Variants in C12orf42 observed in about 807,000 individuals in gnomAD.
C12orf42 encodes chromosome 12 open reading frame 42, also known as uncharacterized protein C12orf42.
A neutral mutation model predicts 21.6 loss-of-function variants in C12orf42; 25 were observed. That is an observed-to-expected ratio of 1.16 (90% CI 0.84 to 1.62). The LOEUF (loss-of-function observed/expected upper bound fraction) is 1.62. Among genes scored for constraint, C12orf42 ranks in the 40% most tolerant of loss-of-function variants. C12orf42 has a pLI of 0.00. For missense variants in C12orf42, 483 were observed against 459.3 expected, an observed-to-expected ratio of 1.05 and a Z score of -0.47; for synonymous variants, 174 against 175.0, an observed-to-expected ratio of 0.99 and a Z score of 0.05.
At chr12:103,203,153 C>T in the C12orf42 span, among the ~76,000 whole-genome samples, 1 of 152,116 alleles carries the variant, frequency 6.6e-6, no homozygotes, top group African/African-American at 2.4e-5. Context: ...TTCACTTCCC[C>T]ATTTGTCAAG....
the C12orf42 span, among the ~76,000 whole-genome samples, chr12:103,055,902 T>C: frequency 6.6e-6 from 1 of 152,044 alleles, no homozygotes; most frequent in Non-Finnish European, 1.5e-5. Flanking sequence ...TTAGAGAAAA[T>C]ATTTTGTATG....
At chr12:103,298,668 G>C (rs2037460081), downstream of C12orf42, among the ~76,000 whole-genome samples, 2 of 152,118 alleles carry the variant, frequency 1.3e-5, no homozygotes, top group Admixed American at 6.5e-5. Context: ...CTGAGTTCAG[G>C]TCACCTTTAT....
chr12:103,229,381 TTCTC>T, the C12orf42 span, among the ~76,000 whole-genome samples: 1 of 152,226 alleles, frequency 6.6e-6, no homozygotes, highest in East Asian at 1.9e-4. Flanking sequence ...TGCTTTGAGA[TTCTC>T]TCAGCGATTC....
the C12orf42 span, among the ~76,000 whole-genome samples, chr12:103,525,831 C>T: frequency 6.6e-6 from 1 of 152,092 alleles, no homozygotes; most frequent in Non-Finnish European, 1.5e-5. Flanking sequence ...AATTCAAGAC[C>T]AGCCTGGCCA....
chr12:103,477,198 A>G (rs1049953147), intron 2 of C12orf42, among the ~76,000 whole-genome samples: 10 of 152,182 alleles, frequency 6.6e-5, no homozygotes, highest in African/African-American at 2.4e-4. Flanking sequence ...TATGAAGAAA[A>G]ACAATACATG....
chr12:103,284,169 C>T lies in C12orf42; in HGVS notation n.338-6959G>A, dbSNP rs147625924. On this transcript the variant is annotated intron_variant and non_coding_transcript_variant, in intron 4 of 6. Coordinates refer to the C12orf42 transcript ENST00000546526. ...ACATTACATAAGACGGCAAGGGCTT[C>T]TTTTATTTCTGAAATTTTAAACCTG... 4.9e-3 allele frequency among the ~76,000 whole-genome samples: 752 copies of T among 152,230 alleles called. 6 individuals are homozygous for T. The highest frequency in any genetic ancestry group is 6.8e-3 in the Middle Eastern group (2 of 294).
chr12:103,063,149 C>T, the C12orf42 span, among the ~76,000 whole-genome samples: 1 of 152,042 alleles, frequency 6.6e-6, no homozygotes, highest in Non-Finnish European at 1.5e-5. Flanking sequence ...TTTGGTTTCT[C>T]CTAAATTCAC....
At chr12:103,354,981 C>T (rs758624812) in intron 4 of C12orf42, among the ~76,000 whole-genome samples, 1 of 152,086 alleles carries the variant, frequency 6.6e-6, no homozygotes, top group Non-Finnish European at 1.5e-5. Context: ...TGTATCATTA[C>T]AAAATGAATA....
At chr12:103,533,443 T>A in the C12orf42 span, among the ~76,000 whole-genome samples, 4 of 152,168 alleles carry the variant, frequency 2.6e-5, no homozygotes, top group Non-Finnish European at 5.9e-5. Context: ...AGACACATTT[T>A]CTCTCTGGTC....
the C12orf42 span, among the ~76,000 whole-genome samples, chr12:103,561,238 A>G: frequency 4.1e-4 from 63 of 152,326 alleles, no homozygotes; most frequent in African/African-American, 1.5e-3. Context: ...CACACGAACC[A>G]GAGCAAGCCC....
chr12:103,440,144 A>C (rs1181211152), intron 2 of C12orf42, among the ~76,000 whole-genome samples: 1 of 144,720 alleles, frequency 6.9e-6, no homozygotes, highest in Admixed American at 7.0e-5. Context: ...CATTCTCAGT[A>C]AACTATCGCA....
At chr12:103,548,314 G>A in the C12orf42 span, among the ~76,000 whole-genome samples, 2 of 152,156 alleles carry the variant, frequency 1.3e-5, no homozygotes, top group African/African-American at 4.8e-5. Flanking sequence ...CGCAGATAAG[G>A]CAGCTACAGG....
At chr12:103,179,573 G>C in the C12orf42 span, among the ~76,000 whole-genome samples, 1 of 152,316 alleles carries the variant, frequency 6.6e-6, no homozygotes, top group South Asian at 2.1e-4. Flanking sequence ...TGGGAAAAAA[G>C]AATAGTGGAT....
At chr12:103,487,700 C>T (rs1018097750) in intron 1 of C12orf42, among the ~76,000 whole-genome samples, 2 of 152,112 alleles carry the variant, frequency 1.3e-5, no homozygotes, top group Non-Finnish European at 2.9e-5. Flanking sequence ...ATCCCTTTAC[C>T]ATTATATAAT....
At chr12:103,165,811 G>GA in the C12orf42 span, among the ~76,000 whole-genome samples, 81 of 151,918 alleles carry the variant, frequency 5.3e-4, 1 homozygote, top group Non-Finnish European at 1.0e-4. Context: ...GGAGGCCGAG[G>GA]GGGTAGATCA....
chr12:103,207,313 A>G, the C12orf42 span, among the ~76,000 whole-genome samples: 53,820 of 152,158 alleles, frequency 0.35, 10,555 homozygotes, highest in South Asian at 0.45. Context: ...TGACTGATAC[A>G]GAGCCCTAAC....
intron 4 of C12orf42, among the ~76,000 whole-genome samples, chr12:103,282,350 A>G (rs772041246): frequency 2.0e-5 from 3 of 152,216 alleles, no homozygotes; most frequent in Admixed American, 1.3e-4. Context: ...TTGGTCAAAG[A>G]CAGACTGCTT....
chr12:103,557,599 A>AT, the C12orf42 span: 1 of 152,200 alleles, frequency 6.6e-6, no homozygotes, highest in Non-Finnish European at 1.5e-5. Context: ...GAGTTGAGGT[A>AT]TATATGCCCT....
chr12:103,381,902 G>A lies in C12orf42; in HGVS notation c.148-12904C>T, dbSNP rs1252743113. Among the ~76,000 whole-genome samples the A allele has an allele frequency of 3.0e-5, 4 of 135,142 alleles. No homozygotes were observed. In the Admixed American group the frequency reaches 3.3e-4, roughly 11 times the overall value. The allele number at this position is 135,142 out of a possible 152,430, so 88.7% of individuals were successfully genotyped here. A position where few individuals can be genotyped will look rare whatever the true frequency, so the allele number is the denominator to read the frequency against. ...ACTGCACTCCAACCTGGGCAACAGA[G>A]TGAGACTCCGTCTCAAAAAAAAAAA... On this transcript the variant is annotated intron_variant, in intron 3 of 5. Transcript: ENST00000548883.
Sources: gnomAD v4.1 joint callset for allele counts (sites outside exome capture counted in the v4.1 genomes callset) on GRCh38, gnomAD v4.1.1 for gene constraint, MANE v1.5 for transcripts, NCBI Gene and HGNC (gene_info 2026-07-23, HGNC 2026-07-21) for gene names.